SUN1: variants seen among roughly 807,000 people sequenced by gnomAD.
The protein encoded by SUN1 is SUN domain-containing protein 1.
Under a neutral mutation model 103.2 loss-of-function variants are expected in SUN1, and 61 were observed. The ratio of observed to expected loss-of-function variants is 0.59; its 90% confidence interval spans 0.48 to 0.73. The LOEUF is 0.73. SUN1 is among the 30% of genes least tolerant of loss of function. The pLI is 0.00. For synonymous variants in SUN1, 490 were observed against 425.7 expected (o/e 1.15, Z -1.86); for missense variants, 1,052 against 1,034.6 (o/e 1.02, Z -0.23).
chr7:849,303 C>T (rs1377501885), intron 5 of SUN1, among the ~76,000 whole-genome samples: 5 of 152,224 alleles, frequency 3.3e-5, no homozygotes, highest in Non-Finnish European at 7.3e-5. Flanking sequence ...GCCACACACA[C>T]GATTCAGCCA....
intron 12 of SUN1, 64 bp downstream of exon 12, chr7:856,465 C>T: frequency 1.9e-6 from 3 of 1,591,532 alleles, no homozygotes; most frequent in Non-Finnish European, 2.6e-6. Flanking sequence ...TGTGGAGCGG[C>T]AGCAGAGTGA....
chr7:858,114 G>A (rs529026783), intron 13 of SUN1, among the ~76,000 whole-genome samples, 157 bp downstream of exon 13: 5 of 152,296 alleles, frequency 3.3e-5, no homozygotes, highest in South Asian at 4.1e-4. Flanking sequence ...GCAGTGGCGC[G>A]ATCTCAGCTC....
upstream of SUN1, chr7:816,128 C>A: frequency 3.5e-6 from 1 of 289,664 alleles, no homozygotes; most frequent in Non-Finnish European, 6.3e-6. Context: ...CCCCCAGATG[C>A]AGACCCCTCC....
chr7:857,458 C>A (rs1423364614), intron 12 of SUN1, among the ~76,000 whole-genome samples: 3 of 152,202 alleles, frequency 2.0e-5, no homozygotes, highest in Admixed American at 6.5e-5. Flanking sequence ...GCCTCAGCCC[C>A]AAACTACTGG....
At chr7:861,081 C>T (rs532219424) in intron 14 of SUN1, among the ~76,000 whole-genome samples, 1 of 152,290 alleles carries the variant, frequency 6.6e-6, no homozygotes, top group African/African-American at 2.4e-5. Flanking sequence ...GAATGCTCAT[C>T]CTTGCTTTAT....
chr7:818,894 C>A (rs1017863123), intron 1 of SUN1, among the ~76,000 whole-genome samples: 2 of 146,816 alleles, frequency 1.4e-5, no homozygotes, highest in African/African-American at 2.5e-5. Flanking sequence ...GACGGAGTTT[C>A]GCTCTGTCGC....
At chr7:841,148 G>A (rs1408987985) in intron 2 of SUN1, among the ~76,000 whole-genome samples, 15 of 151,300 alleles carry the variant, frequency 9.9e-5, no homozygotes, top group Admixed American at 9.9e-4. Flanking sequence ...GGTCAGGCTG[G>A]TCTTGAACTC....
intron 5 of SUN1, among the ~76,000 whole-genome samples, chr7:844,914 G>C (rs1813859408): frequency 1.3e-5 from 2 of 152,166 alleles, no homozygotes; most frequent in South Asian, 4.1e-4. Context: ...CAGGGCCCCG[G>C]GGGTGCTGCA....
intron 1 of SUN1, among the ~76,000 whole-genome samples, chr7:837,585 C>T (rs996704088): frequency 1.3e-5 from 2 of 152,200 alleles, no homozygotes; most frequent in Non-Finnish European, 2.9e-5. Flanking sequence ...GTCTTGTCTC[C>T]TTGTTCTGTT....
upstream of SUN1, among the ~76,000 whole-genome samples, chr7:828,303 A>G (rs150449597): frequency 0.023 from 3,543 of 151,234 alleles, 138 homozygotes; most frequent in African/African-American, 0.08. Flanking sequence ...ACAGAGTCTC[A>G]CTCTGTCACC....
upstream of SUN1, among the ~76,000 whole-genome samples, chr7:829,304 G>A (rs949586455): frequency 7.2e-5 from 11 of 152,310 alleles, no homozygotes; most frequent in Non-Finnish European, 1.3e-4. Flanking sequence ...AATTAGCAGC[G>A]ATGTAATGGA....
At position 868,496 on chromosome 7, in the gene SUN1, G is replaced by C. The variant is rs1838948648; in HGVS notation, c.1981-853G>C. ...TGACCCTTGATGTTGGTCGGATGGG[G>C]GGGCAGTGCTGGTTCCCTGTGGTGT... On this transcript the variant is annotated intron_variant, in intron 16 of 18. Transcript: ENST00000401592. 2 of 306,892 alleles carry C rather than the reference G, an allele frequency of 6.5e-6. 1 individual carries two copies. Among genetic ancestry groups the C allele is most frequent in the South Asian group, 5.4e-5 (2 of 37,230 alleles). 19.0% of individuals were successfully genotyped at this position (306,892 alleles called of 1,614,324 possible).
Position 853,528 on chromosome 7 carries a change from G to A in SUN1, c.1173G>A (p.Gln391=). ...TCCGAGAGCTGACCACTTTGCTACA[G>A]AAGCTGCAGGCTCGGGTGGACCAGA... ...ENLRELTTLL[Q]KLQARVDQME... Residue 391 remains glutamine, a synonymous_variant, in exon 10 of 19, where the codon CAG becomes CAA. Transcript: ENST00000401592. 1.9e-6 allele frequency: 3 copies of A among 1,613,688 alleles called. No individual in the cohort carries two copies. The highest frequency in any genetic ancestry group is 2.5e-6 in the Non-Finnish European group (3 of 1,180,046).
At chr7:827,889 A>T (rs1246444267), upstream of SUN1, among the ~76,000 whole-genome samples, 7 of 152,068 alleles carry the variant, frequency 4.6e-5, no homozygotes, top group Non-Finnish European at 1.0e-4. Context: ...ACCTAGTATA[A>T]CTTACGTAGT....
At chr7:837,302 A>G (rs1470154612) in intron 1 of SUN1, among the ~76,000 whole-genome samples, 3 of 152,204 alleles carry the variant, frequency 2.0e-5, no homozygotes, top group African/African-American at 7.2e-5. Context: ...GGTCTGAAGC[A>G]CGTCAGTCTC....
chr7:820,227 T>C (rs548266726), intron 1 of SUN1, among the ~76,000 whole-genome samples: 1 of 152,354 alleles, frequency 6.6e-6, no homozygotes, highest in East Asian at 1.9e-4. Context: ...TCTTCCCATT[T>C]ATGTAGGTTG....
rs1833545620 is a variant in SUN1 at position 863,134 on chromosome 7, T to TC, written c.1864+1672dup. On this transcript the variant is annotated intron_variant, in intron 15 of 18. Coordinates refer to ENST00000401592, the MANE Select transcript of SUN1 (RefSeq NM_001130965.3). ...TCCAGCCTGGGTGACAGAGCGAGAC[T>TC]CCATCTCAAAAACAAAAAACAAAAA... 4.6e-5 allele frequency among the ~76,000 whole-genome samples: 7 copies of TC among 152,196 alleles called. No individual in the cohort carries two copies. The South Asian group carries it at 1.5e-3, about 32-fold the overall frequency.
At position 873,080 on chromosome 7, in the gene SUN1, CTG is replaced by C. The variant is rs951472433; in HGVS notation, c.2242-133_2242-132del. On this transcript the variant is annotated intron_variant, in intron 18 of 18. Coordinates refer to ENST00000401592, the MANE Select transcript of SUN1 (RefSeq NM_001130965.3). Reference sequence around the variant, plus strand: ...CCAGCCTGGGTGACAGGGCAAGACTCTGTCTCAACAACAACAACAAAAGGTTA... The same window carrying C: ...CCAGCCTGGGTGACAGGGCAAGACTCTCTCAACAACAACAACAAAAGGTTA... 2.3e-4 allele frequency: 194 copies of C among 830,444 alleles called. No individual in the cohort carries two copies. In the African/African-American group the frequency reaches 2.9e-3, roughly 13 times the overall value. The allele number at this position is 830,444 out of a possible 1,614,324, so 51.4% of individuals were successfully genotyped here. A position where few individuals can be genotyped will look rare whatever the true frequency, so the allele number is the denominator to read the frequency against.
intron 1 of SUN1, among the ~76,000 whole-genome samples, chr7:826,155 A>G (rs1791610934): frequency 1.3e-5 from 2 of 152,110 alleles, no homozygotes; most frequent in African/African-American, 2.4e-5. Context: ...TGAGCCCAGG[A>G]GATGGAGGCT....
Sources: gnomAD v4.1 joint callset for allele counts (sites outside exome capture counted in the v4.1 genomes callset) on GRCh38, gnomAD v4.1.1 for gene constraint, MANE v1.5 for transcripts, NCBI Gene and HGNC (gene_info 2026-07-23, HGNC 2026-07-21) for gene names.